NIBAN1: variants seen among roughly 807,000 people sequenced by gnomAD.
NIBAN1 encodes the protein protein Niban 1.
Under a neutral mutation model 75.1 loss-of-function variants are expected in NIBAN1, and 81 were observed. The observed-to-expected ratio is 1.08, with a 90% CI of 0.90 to 1.30. NIBAN1 has a LOEUF of 1.30. Among genes scored for constraint, NIBAN1 ranks in the 50% most tolerant of loss-of-function variants. The probability of loss-of-function intolerance (pLI) is 0.00; values close to 1 mark genes in which losing one functional copy is unlikely to be tolerated. For missense variants in NIBAN1, 1,133 were observed against 1,128.1 expected, an observed-to-expected ratio of 1.00 and a Z score of -0.06; for synonymous variants, 436 against 424.8, an observed-to-expected ratio of 1.03 and a Z score of -0.32.
At chr1:184,858,205 G>C (rs940332623) in intron 5 of NIBAN1, among the ~76,000 whole-genome samples, 1 of 151,902 alleles carries the variant, frequency 6.6e-6, no homozygotes, top group Non-Finnish European at 1.5e-5. Flanking sequence ...ATATCTAAAT[G>C]TTCAGAGTTC....
At chr1:184,845,038 A>G (rs1256920908) in intron 5 of NIBAN1, among the ~76,000 whole-genome samples, 2 of 152,228 alleles carry the variant, frequency 1.3e-5, no homozygotes, top group East Asian at 1.9e-4. Flanking sequence ...AAGAACCAGT[A>G]CCGCCAACAG....
chr1:184,914,856 GGGACTACA>G (rs1366085953), intron 1 of NIBAN1, among the ~76,000 whole-genome samples: 3 of 151,846 alleles, frequency 2.0e-5, no homozygotes, highest in African/African-American at 7.2e-5. Flanking sequence ...CTGAGTAGTT[GGGACTACA>G]GGCACCCGCC....
intron 5 of NIBAN1, among the ~76,000 whole-genome samples, chr1:184,842,685 G>A (rs552033005): frequency 7.9e-5 from 10 of 126,886 alleles, no homozygotes; most frequent in African/African-American, 2.7e-4. Flanking sequence ...CCCGGGAGGC[G>A]GAGGTTGCAG....
At chr1:184,815,749 C>T (rs1047190888) in intron 9 of NIBAN1, among the ~76,000 whole-genome samples, 5 of 152,158 alleles carry the variant, frequency 3.3e-5, no homozygotes, top group East Asian at 1.9e-4. Context: ...GTGGTACACA[C>T]GTTGCCTCAT....
intron 1 of NIBAN1, among the ~76,000 whole-genome samples, chr1:184,971,190 G>A (rs1298625868): frequency 6.6e-6 from 1 of 152,046 alleles, no homozygotes; most frequent in Non-Finnish European, 1.5e-5. Flanking sequence ...GGCTGAGGTG[G>A]GAGGATCACC....
chr1:184,873,124 A>G (rs906753541), intron 5 of NIBAN1, among the ~76,000 whole-genome samples: 8 of 152,252 alleles, frequency 5.3e-5, no homozygotes, highest in African/African-American at 1.9e-4. Flanking sequence ...TTTCATATGC[A>G]GTGAAAGTAT....
chr1:184,967,640 A>C (rs1292794107), intron 1 of NIBAN1, among the ~76,000 whole-genome samples: 3 of 152,218 alleles, frequency 2.0e-5, no homozygotes, highest in Non-Finnish European at 4.4e-5. Context: ...GTTCACAGTA[A>C]AAGATAATAA....
At chr1:184,931,407 C>T (rs1306939073) in intron 1 of NIBAN1, among the ~76,000 whole-genome samples, 1 of 152,194 alleles carries the variant, frequency 6.6e-6, no homozygotes, top group Non-Finnish European at 1.5e-5. Flanking sequence ...CAATCTTGGT[C>T]ATACACATTA....
intron 1 of NIBAN1, among the ~76,000 whole-genome samples, chr1:184,972,494 T>C (rs234105): frequency 0.92 from 139,687 of 152,288 alleles, 64,238 homozygotes; most frequent in African/African-American, 0.98. Context: ...TCACATGAAG[T>C]GATGAGTCTT....
chr1:184,814,510 A>C (rs2102208486), intron 9 of NIBAN1, among the ~76,000 whole-genome samples: 1 of 152,326 alleles, frequency 6.6e-6, no homozygotes, highest in African/African-American at 2.4e-5. Context: ...GCAAGGAGAC[A>C]GTCAGTTGGC....
At chr1:184,831,695 C>A in intron 6 of NIBAN1, 152 bp downstream of exon 6, 1 of 625,108 alleles carries the variant, frequency 1.6e-6, no homozygotes, top group Non-Finnish European at 2.8e-6. Flanking sequence ...GTTTCCTGAC[C>A]AATGCTTGCA....
intron 1 of NIBAN1, among the ~76,000 whole-genome samples, chr1:184,967,723 G>A (rs1658833296): frequency 1.3e-5 from 2 of 152,252 alleles, no homozygotes; most frequent in Middle Eastern, 3.4e-3. Context: ...TACAGCCAAC[G>A]TCCATAGTAA....
chr1:184,933,569 A>G (rs773387221), intron 1 of NIBAN1, among the ~76,000 whole-genome samples: 6 of 152,218 alleles, frequency 3.9e-5, no homozygotes, highest in Non-Finnish European at 4.4e-5. Flanking sequence ...TAAGGCCTCC[A>G]TAGACCCCTG....
At chr1:184,888,333 G>GGTAGAAAAAAT (rs1394853714) in intron 4 of NIBAN1, among the ~76,000 whole-genome samples, 1 of 152,100 alleles carries the variant, frequency 6.6e-6, no homozygotes, top group African/African-American at 2.4e-5. Context: ...CTTCTTGACT[G>GGTAGAAAAAAT]ACATGGTTCT....
At position 184,955,625 on chromosome 1, in the gene NIBAN1, C is replaced by T. The variant is rs1184122625; in HGVS notation, c.55+18677G>A. 2.0e-5 allele frequency among the ~76,000 whole-genome samples: 3 copies of T among 152,202 alleles called. No individual in the cohort carries two copies. The East Asian group carries it at 5.8e-4, about 29-fold the overall frequency. On this transcript the variant is annotated intron_variant, in intron 1 of 13. Coordinates refer to ENST00000367511, the MANE Select transcript of NIBAN1 (RefSeq NM_052966.4). ...GTGCTGGGATTACAGGCGTGAGCCACAGAGCCCAGACTCAACTTTTCTTAC... is the reference window on the plus strand; with the variant it reads ...GTGCTGGGATTACAGGCGTGAGCCATAGAGCCCAGACTCAACTTTTCTTAC...
At chr1:184,964,403 C>A (rs1356385124) in intron 1 of NIBAN1, among the ~76,000 whole-genome samples, 1 of 152,212 alleles carries the variant, frequency 6.6e-6, no homozygotes, top group Non-Finnish European at 1.5e-5. Context: ...ATGAAAGGAG[C>A]AATGACTGTG....
intron 5 of NIBAN1, among the ~76,000 whole-genome samples, chr1:184,881,244 G>A (rs1473142888): frequency 6.6e-6 from 1 of 152,124 alleles, no homozygotes; most frequent in Non-Finnish European, 1.5e-5. Flanking sequence ...TTAGGAGCTA[G>A]CCTTACTGTT....
chr1:184,814,531 A>G (rs1553216046), intron 9 of NIBAN1, among the ~76,000 whole-genome samples: 2 of 152,320 alleles, frequency 1.3e-5, no homozygotes, highest in Middle Eastern at 3.4e-3. Context: ...CTCATGCTAC[A>G]TTCATTGGGT....
intron 1 of NIBAN1, among the ~76,000 whole-genome samples, chr1:184,960,370 A>T (rs561177037): frequency 1.3e-5 from 2 of 152,298 alleles, no homozygotes; most frequent in African/African-American, 2.4e-5. Flanking sequence ...TTTCTTCATC[A>T]CATCCTGAAC....
Sources: allele counts gnomAD v4.1 joint callset (sites outside exome capture counted in the v4.1 genomes callset), GRCh38; gene constraint gnomAD v4.1.1; transcripts MANE v1.5; gene names NCBI Gene and HGNC (gene_info 2026-07-23, HGNC 2026-07-21).